Variants in AKAP10 observed in about 807,000 individuals in gnomAD.
The protein encoded by AKAP10 is A-kinase anchoring protein 10, also known as A-kinase anchor protein 10, mitochondrial.
In AKAP10, 24 loss-of-function variants were observed where a neutral mutation model predicts 80.8. That is an observed-to-expected ratio of 0.30 (90% CI 0.22 to 0.42). AKAP10 has a LOEUF of 0.42. Ranked by LOEUF, AKAP10 falls within the 10% of genes least tolerant of loss-of-function variation. The pLI, the probability that AKAP10 is intolerant of heterozygous loss-of-function variation, is 1.00. For synonymous variants in AKAP10, 291 were observed against 277.7 expected, an observed-to-expected ratio of 1.05 and a Z score of -0.48; for missense variants, 661 against 794.9, an observed-to-expected ratio of 0.83 and a Z score of 2.03.
At chr17:19,957,966 AAAAG>A (rs769225204) in intron 4 of AKAP10, 44 bp downstream of exon 4, 1 of 1,512,018 alleles carries the variant, frequency 6.6e-7, no homozygotes. Context: ...GTAAATTAAA[AAAAG>A]AAAGTGAGAC....
chr17:19,951,334 C>T (rs1175671588), intron 4 of AKAP10, among the ~76,000 whole-genome samples: 14 of 150,408 alleles, frequency 9.3e-5, no homozygotes, highest in Middle Eastern at 3.5e-3. Context: ...CGCCTCTGCC[C>T]GGCTGCCCCA....
At chr17:19,924,322 GA>G in intron 11 of AKAP10, 85 bp downstream of exon 11, 2 of 972,460 alleles carry the variant, frequency 2.1e-6, no homozygotes, top group Non-Finnish European at 1.5e-6. Context: ...TAATAGATTA[GA>G]AAAAAATGTA....
chr17:19,919,959 C>T, intron 12 of AKAP10, 77 bp downstream of exon 12: 1 of 1,267,704 alleles, frequency 7.9e-7, no homozygotes, highest in Non-Finnish European at 1.1e-6. Context: ...ACAGTTTAAA[C>T]CTTAAGTGGT....
intron 1 of AKAP10, among the ~76,000 whole-genome samples, chr17:19,973,186 G>T (rs781763682): frequency 6.6e-6 from 1 of 152,090 alleles, no homozygotes; most frequent in Non-Finnish European, 1.5e-5. Flanking sequence ...CACCATGTTG[G>T]CCAGGCTGGT....
chr17:19,977,496 C>G (rs1430877494), intron 1 of AKAP10, 96 bp downstream of exon 1: 5 of 1,018,006 alleles, frequency 4.9e-6, no homozygotes, highest in Middle Eastern at 3.5e-4. Context: ...CGCTGAAGGC[C>G]TTGCTGCCGC....
intron 10 of AKAP10, among the ~76,000 whole-genome samples, chr17:19,927,349 C>CAA (rs2042886017): frequency 6.6e-6 from 1 of 151,300 alleles, no homozygotes; most frequent in African/African-American, 2.4e-5. Context: ...AACAAACAAA[C>CAA]AAACAAACAA....
rs76925590 is a variant in AKAP10 at position 19,957,041 on chromosome 17, T to C, written c.877+973A>G. Among the ~76,000 whole-genome samples, 405 of 152,166 alleles carry C rather than the reference T, an allele frequency of 2.7e-3. 15 individuals are homozygous for C. In the East Asian group the frequency reaches 0.074, roughly 28 times the overall value. Reference sequence around the variant, plus strand: ...GATCTGAAGAAATCACTTAGCCCTTTAAGACACAAAGAACATTTAAGATGA... The same window carrying C: ...GATCTGAAGAAATCACTTAGCCCTTCAAGACACAAAGAACATTTAAGATGA... On this transcript the variant is annotated intron_variant, in intron 4 of 14. Transcript: ENST00000225737.
intron 11 of AKAP10, among the ~76,000 whole-genome samples, chr17:19,922,772 T>C (rs1244204989): frequency 6.6e-6 from 1 of 152,022 alleles, no homozygotes; most frequent in Non-Finnish European, 1.5e-5. Context: ...TGGTGGCACG[T>C]GCCTGTAGTC....
At chr17:19,922,153 A>G (rs2042824469) in intron 11 of AKAP10, among the ~76,000 whole-genome samples, 1 of 152,174 alleles carries the variant, frequency 6.6e-6, no homozygotes, top group Non-Finnish European at 1.5e-5. Flanking sequence ...TCATGTGTGT[A>G]ATCCCAGCAC....
rs572962512 is a variant in AKAP10, at chr17:19,958,076, G to C, written c.815C>G (p.Thr272Arg). Residue 272 changes from threonine to arginine, a missense_variant, in exon 4 of 15, where the codon ACA (threonine) becomes AGA (arginine). By Grantham distance (71) the Thr-to-Arg change is moderately conservative. Coordinates refer to ENST00000225737, the MANE Select transcript of AKAP10 (RefSeq NM_007202.4). The stretch of plus-strand genomic sequence containing the variant: ...AGCGGGACTATTTCTACTGGCTACT[G>C]TAAGTGTAGAGGAAGATTCTTGGGT... ...METQESSSTLTVASRNSPASP... is the reference protein window; with the variant it reads ...METQESSSTLRVASRNSPASP... 5.0e-6 allele frequency: 8 copies of C among 1,614,174 alleles called. No individual in the cohort carries two copies. Among genetic ancestry groups the C allele is most frequent in the Non-Finnish European group, 6.8e-6 (8 of 1,180,006 alleles).
At chr17:19,943,391 G>T (rs1038712333) in intron 5 of AKAP10, among the ~76,000 whole-genome samples, 3 of 152,186 alleles carry the variant, frequency 2.0e-5, no homozygotes, top group Non-Finnish European at 2.9e-5. Context: ...TGAAGGTTGA[G>T]CTGATCACCA....
chr17:19,946,276 T>TATATATATATA (rs1491441373), intron 5 of AKAP10, among the ~76,000 whole-genome samples: 6 of 10,800 alleles, frequency 5.6e-4, no homozygotes, highest in East Asian at 5.4e-3. Flanking sequence ...TATATATATA[T>TATATATATATA]TTTTTTTTTT....
At chr17:19,906,754 T>A (rs1415444267) in intron 14 of AKAP10, among the ~76,000 whole-genome samples, 1 of 152,214 alleles carries the variant, frequency 6.6e-6, no homozygotes, top group African/African-American at 2.4e-5. Flanking sequence ...GTACATCCTA[T>A]AGGCAAATGT....
chr17:19,945,115 G>A (rs1007124661), intron 5 of AKAP10, among the ~76,000 whole-genome samples: 5 of 152,040 alleles, frequency 3.3e-5, no homozygotes, highest in African/African-American at 4.8e-5. Context: ...ATAGACACTG[G>A]GATAGAGGTT....
At chr17:19,921,186 T>C (rs892351437) in intron 11 of AKAP10, among the ~76,000 whole-genome samples, 27 of 151,910 alleles carry the variant, frequency 1.8e-4, no homozygotes, top group African/African-American at 5.8e-4. Flanking sequence ...TTTTTTTTTT[T>C]GAGACAGAGT....
intron 1 of AKAP10, among the ~76,000 whole-genome samples, chr17:19,974,164 T>G (rs2043535106): frequency 6.6e-6 from 1 of 151,940 alleles, no homozygotes; most frequent in Non-Finnish European, 1.5e-5. Context: ...GCACTCCAGC[T>G]TGAACGATAA....
intron 4 of AKAP10, among the ~76,000 whole-genome samples, chr17:19,954,835 T>C (rs566925561): frequency 6.6e-6 from 1 of 151,994 alleles, no homozygotes; most frequent in East Asian, 1.9e-4. Flanking sequence ...AAAATCTTCA[T>C]GACCTTTGCT....
chr17:19,911,244 C>G (rs987789675), intron 12 of AKAP10, among the ~76,000 whole-genome samples: 5 of 152,048 alleles, frequency 3.3e-5, no homozygotes, highest in Non-Finnish European at 5.9e-5. Flanking sequence ...GTCAGGCCCC[C>G]CTGCAGAGTC....
chr17:19,940,039 G>GA lies in AKAP10; in HGVS notation c.1186-191dup, dbSNP rs75979105. ...AAAGTTTTAAAGTATTCTTTTAGAC[G>GA]AAAAAAAAGTTAACAAGAAACAAAC... is the stretch of plus-strand genomic sequence containing the variant. On this transcript the variant is annotated intron_variant, in intron 7 of 14. Coordinates refer to ENST00000225737, the MANE Select transcript of AKAP10 (RefSeq NM_007202.4). Among the ~76,000 whole-genome samples, 405 of 151,960 alleles carry GA rather than the reference G, an allele frequency of 2.7e-3. 15 individuals are homozygous for GA. The East Asian group carries it at 0.074, about 28-fold the overall frequency.
Sources: allele counts gnomAD v4.1 joint callset (sites outside exome capture counted in the v4.1 genomes callset), GRCh38; gene constraint gnomAD v4.1.1; transcripts MANE v1.5; gene names NCBI Gene and HGNC (gene_info 2026-07-23, HGNC 2026-07-21).